The following SLC28A1 variants were observed in gnomAD, a reference collection of about 807,000 sequenced individuals.
SLC28A1 encodes sodium/nucleoside cotransporter 1.
SLC28A1 carries 64 observed loss-of-function variants against 74.8 expected under a neutral mutation model. That is an observed-to-expected ratio of 0.86 (90% confidence interval 0.70 to 1.05). SLC28A1 has a LOEUF of 1.05. Ranked by LOEUF, SLC28A1 falls within the 50% of genes least tolerant of loss-of-function variation. The probability of loss-of-function intolerance (pLI) is 0.00; values close to 1 mark genes in which losing one functional copy is unlikely to be tolerated. For missense variants in SLC28A1, 828 were observed against 822.8 expected (o/e 1.01, Z -0.08); for synonymous variants, 359 against 335.0 (o/e 1.07, Z -0.78).
chr15:84,922,086 T>C (rs1247389979), intron 11 of SLC28A1, among the ~76,000 whole-genome samples: 1 of 152,128 alleles, frequency 6.6e-6, no homozygotes, highest in Non-Finnish European at 1.5e-5. Context: ...CCTTCAGGGA[T>C]CAGTGGCATC....
chr15:84,925,067 GTTTTTTTTTTTTT>G (rs964017770), intron 12 of SLC28A1, among the ~76,000 whole-genome samples: 4 of 84,164 alleles, frequency 4.8e-5, no homozygotes, highest in Admixed American at 3.1e-4. Flanking sequence ...CGCCCAGCTA[GTTTTTTTTTTTTT>G]TTTTTTTTTT....
the SLC28A1 span, among the ~76,000 whole-genome samples, chr15:84,972,120 A>C: frequency 3.3e-5 from 5 of 152,320 alleles, no homozygotes; most frequent in Non-Finnish European, 7.4e-5. Flanking sequence ...CCAGCCCCTA[A>C]TCCAGCCAGA....
At chr15:84,886,367 G>T in intron 1 of SLC28A1, 1 of 985,320 alleles carries the variant, frequency 1.0e-6, no homozygotes, top group Non-Finnish European at 1.2e-6. Flanking sequence ...GGGGAAAGGA[G>T]GCCATGGGAA....
the SLC28A1 span, among the ~76,000 whole-genome samples, chr15:84,956,487 CTTTG>C: frequency 3.0e-4 from 39 of 130,876 alleles, no homozygotes; most frequent in East Asian, 8.8e-4. Context: ...TTCTTTCTTT[CTTTG>C]TTTCTCTTTC....
chr15:84,927,115 T>G (rs978536796), intron 12 of SLC28A1, among the ~76,000 whole-genome samples: 3 of 149,488 alleles, frequency 2.0e-5, no homozygotes, highest in Non-Finnish European at 4.4e-5. Context: ...GACTGTCATC[T>G]GGTTTGCACC....
intron 10 of SLC28A1, among the ~76,000 whole-genome samples, chr15:84,920,778 G>A (rs530728770): frequency 2.6e-5 from 4 of 151,346 alleles, no homozygotes; most frequent in South Asian, 2.1e-4. Flanking sequence ...GCATTCCTAC[G>A]GTGAAATGAA....
At position 84,945,392 on chromosome 15, in the gene SLC28A1, C is replaced by G; in HGVS notation, c.*192C>G. On this transcript the variant is annotated 3_prime_UTR_variant, in exon 19 of 19. Coordinates refer to ENST00000394573, the MANE Select transcript of SLC28A1 (RefSeq NM_004213.5). ...AGTGAGGACATAAGGAAGGACATGT[C>G]CCACTCCATCCCCCTTCCTGCTCCC... 3.2e-6 allele frequency: 2 copies of G among 629,796 alleles called. No homozygotes were observed. The highest frequency in any genetic ancestry group is 5.8e-6 in the Non-Finnish European group (2 of 343,640). 39.0% of individuals were successfully genotyped at this position (629,796 alleles called of 1,614,324 possible).
intron 12 of SLC28A1, among the ~76,000 whole-genome samples, chr15:84,929,712 A>G (rs914975025): frequency 6.6e-6 from 1 of 152,126 alleles, no homozygotes; most frequent in Non-Finnish European, 1.5e-5. Flanking sequence ...AAAATAAAAA[A>G]TTACTTGGGC....
chr15:84,934,425 A>G (rs1040236803), intron 13 of SLC28A1, among the ~76,000 whole-genome samples: 1 of 152,146 alleles, frequency 6.6e-6, no homozygotes, highest in Non-Finnish European at 1.5e-5. Flanking sequence ...CTCACCTCCT[A>G]ACATCCCGTC....
intron 6 of SLC28A1, chr15:84,895,554 C>A (rs972195071): frequency 1.3e-6 from 2 of 1,540,504 alleles, no homozygotes; most frequent in African/African-American, 1.4e-5. Flanking sequence ...TAGCCAGCAG[C>A]GTCCTTGGAC....
At chr15:84,967,734 G>A in the SLC28A1 span, among the ~76,000 whole-genome samples, 1 of 152,308 alleles carries the variant, frequency 6.6e-6, no homozygotes, top group Admixed American at 6.5e-5. Flanking sequence ...AGGCCCTGGG[G>A]TGTTGCATTA....
rs1485167897 is a variant in SLC28A1, at chr15:84,921,075, T to C, written c.957+6T>C. On this transcript the variant is annotated splice_donor_region_variant and intron_variant, in intron 11 of 18. Transcript: ENST00000394573. ...GAAACATCTTTGTGAGCCAGGTGGG[T>C]ATGGAAGCCTCCTACCCTCATGCTC... The C allele has an allele frequency of 6.2e-7, 1 of 1,609,658 alleles. No individual in the cohort carries two copies. Among genetic ancestry groups the C allele is most frequent in the Admixed American group, 1.7e-5 (1 of 60,004 alleles).
chr15:84,893,112 C>CCGGG (rs1397637901), intron 5 of SLC28A1, among the ~76,000 whole-genome samples: 2 of 151,912 alleles, frequency 1.3e-5, no homozygotes, highest in African/African-American at 4.8e-5. Flanking sequence ...AAAGCACAGG[C>CCGGG]CCTGAGGCGC....
At chr15:84,973,603 T>C in the SLC28A1 span, among the ~76,000 whole-genome samples, 1 of 152,190 alleles carries the variant, frequency 6.6e-6, no homozygotes, top group Non-Finnish European at 1.5e-5. Flanking sequence ...GGAAGTGCTC[T>C]TGGTGCCCAC....
At chr15:84,900,221 T>C (rs1966513106) in intron 6 of SLC28A1, among the ~76,000 whole-genome samples, 4 of 150,984 alleles carry the variant, frequency 2.6e-5, no homozygotes, top group Admixed American at 2.0e-4. Context: ...GCTATTACAC[T>C]TGGGTGGCTG....
rs753472790 is a variant in SLC28A1, at chr15:84,888,800, T to G, written c.125T>G (p.Leu42Trp). The G allele has an allele frequency of 6.4e-7, 1 of 1,554,488 alleles. No individual in the cohort carries two copies. Among genetic ancestry groups the G allele is most frequent in the Non-Finnish European group, 8.7e-7 (1 of 1,148,708 alleles). Residue 42 changes from leucine to tryptophan, a missense_variant, in exon 4 of 19, where the codon TTG (leucine) becomes TGG (tryptophan). Physicochemically the swap from Leu to Trp is moderately conservative, Grantham distance 61 (BLOSUM62 -2). This residue lies in a region of SLC28A1 where 767 missense variants were observed against 753.5 expected (regional missense o/e 1.02). Transcript: ENST00000394573. ...LEEGQLPRSDLSPAEIRSSWS... is the reference protein window; with the variant it reads ...LEEGQLPRSDWSPAEIRSSWS... ...GAAGGCCAGCTCCCTAGGAGTGACT[T>G]GAGCCCCGCAGAGATCAGGAGCAGC... is the stretch of plus-strand genomic sequence containing the variant.
intron 1 of SLC28A1, 94 bp from the exon 2 acceptor site, chr15:84,886,578 G>T: frequency 1.0e-6 from 1 of 985,530 alleles, no homozygotes; most frequent in Non-Finnish European, 1.2e-6. Flanking sequence ...ACCGTGTTGG[G>T]GTCCCCACCC....
At chr15:84,921,898 C>G (rs1969874504) in intron 11 of SLC28A1, among the ~76,000 whole-genome samples, 2 of 152,178 alleles carry the variant, frequency 1.3e-5, no homozygotes, top group African/African-American at 4.8e-5. Flanking sequence ...AGCAGTTATT[C>G]TATATGAAAG....
chr15:84,885,463 G>A (rs1964486490), intron 1 of SLC28A1, among the ~76,000 whole-genome samples: 1 of 151,818 alleles, frequency 6.6e-6, no homozygotes, highest in Admixed American at 6.6e-5. Flanking sequence ...CAGGCGCGGT[G>A]GCTCATGCCT....
Sources: gnomAD v4.1 joint callset for allele counts (sites outside exome capture counted in the v4.1 genomes callset) on GRCh38, gnomAD v4.1.1 for gene constraint, gnomAD v4.1.1 regional missense constraint, MANE v1.5 for transcripts, NCBI Gene and HGNC (gene_info 2026-07-23, HGNC 2026-07-21) for gene names.